Variants in BAG4 observed in about 807,000 individuals in gnomAD.
BAG4 encodes the protein BAG family molecular chaperone regulator 4.
In BAG4, 28 loss-of-function variants were observed where a neutral mutation model predicts 52.1. The ratio of observed to expected loss-of-function variants is 0.54; its 90% confidence interval spans 0.40 to 0.74. The LOEUF (loss-of-function observed/expected upper bound fraction) is 0.74, where lower values mean the gene tolerates loss of function less well. Ranked by LOEUF, BAG4 falls within the 30% of genes least tolerant of loss-of-function variation. BAG4 has a pLI of 0.00. For synonymous variants in BAG4, 208 were observed against 217.0 expected (o/e 0.96, Z 0.37); for missense variants, 525 against 572.0 (o/e 0.92, Z 0.84).
chr8:38,187,696 G>A (rs1014520955), intron 1 of BAG4, among the ~76,000 whole-genome samples: 6 of 151,948 alleles, frequency 3.9e-5, no homozygotes, highest in Non-Finnish European at 7.4e-5. Context: ...AATTAAGTTG[G>A]TATAAATCAG....
intron 2 of BAG4, chr8:38,202,180 T>C (rs1327893743): frequency 6.6e-6 from 1 of 152,074 alleles, no homozygotes; most frequent in Non-Finnish European, 1.5e-5. Flanking sequence ...CACCCAACTG[T>C]TAATAAAGTT....
chr8:38,191,245 A>G (rs1803468554), intron 1 of BAG4, among the ~76,000 whole-genome samples: 1 of 152,220 alleles, frequency 6.6e-6, no homozygotes, highest in African/African-American at 2.4e-5. Flanking sequence ...TAATACCCGC[A>G]TAACAGTACC....
intron 1 of BAG4, among the ~76,000 whole-genome samples, chr8:38,189,155 G>A (rs1227589417): frequency 2.6e-5 from 4 of 151,870 alleles, no homozygotes; most frequent in East Asian, 1.9e-4. Flanking sequence ...ATGTGGGCCC[G>A]GCCGGTCTTG....
In BAG4 at chr8:38,210,645, A is replaced by G; in HGVS notation, c.*152A>G. 1 of 1,025,802 alleles carries G rather than the reference A, an allele frequency of 9.7e-7. No homozygotes were observed. Among genetic ancestry groups the G allele is most frequent in the African/African-American group, 1.6e-5 (1 of 60,926 alleles). 63.5% of individuals were successfully genotyped at this position (1,025,802 alleles called of 1,614,324 possible). ...TTATACTTGAAAAACTGGCAAAGGA[A>G]TGGAAGAATATTTTAGTCATGAGTT... On this transcript the variant is annotated 3_prime_UTR_variant, in exon 5 of 5. Transcript: ENST00000287322.
At chr8:38,209,440 C>A in intron 4 of BAG4, 173 bp downstream of exon 4, 1 of 751,674 alleles carries the variant, frequency 1.3e-6, no homozygotes, top group Non-Finnish European at 2.0e-6. Flanking sequence ...TTTTAATAGA[C>A]TTTATATTTA....
chr8:38,186,301 A>G (rs1303609529), intron 1 of BAG4, among the ~76,000 whole-genome samples: 3 of 151,956 alleles, frequency 2.0e-5, no homozygotes, highest in East Asian at 1.9e-4. Context: ...TCCCGTGGGT[A>G]CTCCACTTCG....
chr8:38,192,713 A>G lies in BAG4; in HGVS notation c.296A>G (p.Asn99Ser). Residue 99 changes from asparagine (N) to serine (S), a missense_variant, in exon 2 of 5, where the codon AAT becomes AGT. Physicochemically the swap from Asn to Ser is conservative, Grantham distance 46. Around this residue, in one of 2 missense-constraint regions of BAG4, gnomAD observed 287 missense variants for 266.1 expected, o/e 1.08. Coordinates refer to ENST00000287322, the MANE Select transcript of BAG4 (RefSeq NM_004874.4). ...HQEQPPYPSY[N>S]SNYWNSTARS... Reference sequence around the variant, plus strand: ...GAGCAGCCACCATATCCTAGCTACAATTCTAACTATTGGAATTCTACTGCG... The same window carrying G: ...GAGCAGCCACCATATCCTAGCTACAGTTCTAACTATTGGAATTCTACTGCG... 6.2e-7 allele frequency: 1 copy of G among 1,612,650 alleles called. No individual in the cohort carries two copies. The highest frequency in any genetic ancestry group is 8.5e-7 in the Non-Finnish European group (1 of 1,179,546).
At chr8:38,201,880 A>ATATT (rs1803683634) in intron 2 of BAG4, 2 of 7,552 alleles carry the variant, frequency 2.6e-4, no homozygotes, top group Non-Finnish European at 4.4e-4. Context: ...ATATATATAT[A>ATATT]TTTTTTTTTT....
intron 2 of BAG4, among the ~76,000 whole-genome samples, chr8:38,207,137 G>A (rs1803782573): frequency 6.6e-6 from 1 of 152,022 alleles, no homozygotes; most frequent in Admixed American, 6.6e-5. Context: ...ATTTTTAGTA[G>A]AGATGGGGTT....
intron 1 of BAG4, among the ~76,000 whole-genome samples, chr8:38,177,896 T>C (rs1009117019): frequency 1.3e-5 from 2 of 152,172 alleles, no homozygotes; most frequent in Non-Finnish European, 2.9e-5. Flanking sequence ...AGCATACCTC[T>C]CTGTTCGTTC....
intron 2 of BAG4, among the ~76,000 whole-genome samples, chr8:38,206,274 TAAA>T (rs758467407): frequency 1.6e-5 from 2 of 127,618 alleles, no homozygotes; most frequent in African/African-American, 2.9e-5. Context: ...GACTCCATCT[TAAA>T]AAAAAAAAAA....
chr8:38,211,997 A>G lies in BAG4; in HGVS notation c.*1504A>G, dbSNP rs1487251426. 1 of 152,162 alleles carries G rather than the reference A, an allele frequency of 6.6e-6. No individual in the cohort carries two copies. The allele number at this position is 152,162 out of a possible 1,614,324, so 9.4% of individuals were successfully genotyped here. A position where few individuals can be genotyped will look rare whatever the true frequency, so the allele number is the denominator to read the frequency against. On this transcript the variant is annotated 3_prime_UTR_variant, in exon 5 of 5. Coordinates refer to ENST00000287322, the MANE Select transcript of BAG4 (RefSeq NM_004874.4). Reference sequence around the variant, plus strand: ...CTAAATCTATTAGCTGTCCCCACTCATAAACCAAACCAAACCAATACAAAC... The same window carrying G: ...CTAAATCTATTAGCTGTCCCCACTCGTAAACCAAACCAAACCAATACAAAC...
chr8:38,193,112 T>A (rs1474750102), intron 2 of BAG4, among the ~76,000 whole-genome samples: 1 of 152,116 alleles, frequency 6.6e-6, no homozygotes, highest in African/African-American at 2.4e-5. Flanking sequence ...ACAGAAAATA[T>A]ATACATTTTA....
intron 1 of BAG4, among the ~76,000 whole-genome samples, chr8:38,183,770 G>A (rs943294544): frequency 6.6e-6 from 1 of 151,464 alleles, no homozygotes; most frequent in Non-Finnish European, 1.5e-5. Context: ...CTATCCTCCC[G>A]CCTCTGCCTC....
intron 2 of BAG4, among the ~76,000 whole-genome samples, chr8:38,206,725 T>C (rs1022407372): frequency 7.2e-5 from 11 of 152,202 alleles, no homozygotes; most frequent in Non-Finnish European, 1.6e-4. Context: ...GAAGGTTAAA[T>C]ACAAAGCCTA....
intron 2 of BAG4, among the ~76,000 whole-genome samples, chr8:38,197,307 C>A (rs987831328): frequency 4.6e-5 from 7 of 152,176 alleles, no homozygotes; most frequent in African/African-American, 1.7e-4. Context: ...TTACTATATA[C>A]CTAGGCTATA....
rs1803859295 is a variant in BAG4 at position 38,211,027 on chromosome 8, G to C, written c.*534G>C. 6.6e-6 allele frequency: 1 copy of C among 152,390 alleles called. No homozygotes were observed. Among genetic ancestry groups the C allele is most frequent in the African/African-American group, 2.4e-5 (1 of 41,336 alleles). The allele number at this position is 152,390 out of a possible 1,614,324, so 9.4% of individuals were successfully genotyped here. A position where few individuals can be genotyped will look rare whatever the true frequency, so the allele number is the denominator to read the frequency against. On this transcript the variant is annotated 3_prime_UTR_variant, in exon 5 of 5. Coordinates refer to ENST00000287322, the MANE Select transcript of BAG4 (RefSeq NM_004874.4). ...AATATAGTATTATTCTCTACTTCTTGGTACATTTTGTAGTAATATGTTTAA... is the reference window on the plus strand; with the variant it reads ...AATATAGTATTATTCTCTACTTCTTCGTACATTTTGTAGTAATATGTTTAA...
intron 1 of BAG4, among the ~76,000 whole-genome samples, chr8:38,189,095 G>A (rs1162790435): frequency 6.6e-6 from 1 of 151,596 alleles, no homozygotes; most frequent in African/African-American, 2.4e-5. Flanking sequence ...GTAGCTGCCC[G>A]CCACCACACC....
intron 1 of BAG4, 86 bp downstream of exon 1, chr8:38,177,225 C>G (rs770294154): frequency 6.5e-7 from 1 of 1,544,416 alleles, no homozygotes; most frequent in Non-Finnish European, 8.7e-7. Context: ...TACTTGTTTT[C>G]CTTATGTGGA....
Sources: gnomAD v4.1 joint callset for allele counts (sites outside exome capture counted in the v4.1 genomes callset) on GRCh38, gnomAD v4.1.1 for gene constraint, gnomAD v4.1.1 regional missense constraint, MANE v1.5 for transcripts, NCBI Gene and HGNC (gene_info 2026-07-23, HGNC 2026-07-21) for gene names.